ADGRV1: variants seen among roughly 807,000 people sequenced by gnomAD.
ADGRV1 encodes adhesion G protein-coupled receptor V1, also known as G-protein coupled receptor 98.
ADGRV1 carries 359 observed loss-of-function variants against 596.2 expected under a neutral mutation model. The observed-to-expected ratio is 0.60, with a 90% CI of 0.55 to 0.66. The LOEUF (loss-of-function observed/expected upper bound fraction) is 0.66, where lower values mean the gene tolerates loss of function less well. Among genes scored for constraint, ADGRV1 ranks in the 30% least tolerant of loss-of-function variants. The pLI is 0.00. For missense variants in ADGRV1, 7,274 were observed against 7,575.6 expected (o/e 0.96, Z 1.48); for synonymous variants, 2,681 against 2,679.2 (o/e 1.00, Z -0.02).
rs1581711496 is a variant in ADGRV1, at chr5:90,985,340, T to G, written c.17974-4T>G. The G allele has an allele frequency of 6.2e-7, 1 of 1,600,214 alleles. No individual in the cohort carries two copies. Among genetic ancestry groups the G allele is most frequent in the East Asian group, 2.2e-5 (1 of 44,728 alleles). ...TGTTCATTTTATGTTGTTTTCTTCC[T>G]TAGTCTGTGAATTTCTGGTACGTGC... On this transcript the variant is annotated splice_region_variant and splice_polypyrimidine_tract_variant and intron_variant, in intron 84 of 89. Transcript: ENST00000405460.
intron 21 of ADGRV1, among the ~76,000 whole-genome samples, chr5:90,664,515 T>C (rs1207465015): frequency 6.9e-6 from 1 of 144,936 alleles, no homozygotes; most frequent in Non-Finnish European, 1.5e-5. Context: ...GATTTTGGGC[T>C]GAGACAGTGG....
At chr5:90,985,092 G>A (rs933879725) in intron 84 of ADGRV1, among the ~76,000 whole-genome samples, 38 of 152,056 alleles carry the variant, frequency 2.5e-4, no homozygotes, top group African/African-American at 8.9e-4. Flanking sequence ...GCAAATTAAG[G>A]CAAATAAAAA....
At chr5:90,993,928 T>C (rs190816771) in intron 85 of ADGRV1, among the ~76,000 whole-genome samples, 108 of 152,262 alleles carry the variant, frequency 7.1e-4, no homozygotes, top group African/African-American at 2.4e-3. Context: ...TATTTTTTTT[T>C]CTGTTCCTCA....
At chr5:91,113,844 G>A (rs1030615222) in intron 87 of ADGRV1, among the ~76,000 whole-genome samples, 14 of 151,816 alleles carry the variant, frequency 9.2e-5, no homozygotes, top group South Asian at 2.1e-4. Context: ...GCTTGAACCC[G>A]GGAGGCAGAG....
chr5:90,650,847 T>G (rs1768499672), intron 17 of ADGRV1, among the ~76,000 whole-genome samples: 2 of 152,120 alleles, frequency 1.3e-5, no homozygotes, highest in South Asian at 4.1e-4. Flanking sequence ...AAGGAAGAAT[T>G]CCTGGAAGAG....
At position 90,653,245 on chromosome 5, in the gene ADGRV1, C is replaced by G; in HGVS notation, c.3671C>G (p.Thr1224Ser). ...SPGPGGQLAETNLQVTVMVPF... is the reference protein window; with the variant it reads ...SPGPGGQLAESNLQVTVMVPF... ...GGTCCTGGGGGCCAGCTAGCAGAAA[C>G]CAACCTCCAGGTGACAGTAATGGTT... is the stretch of plus-strand genomic sequence containing the variant. The change falls in exon 20 of 90, where the codon ACC becomes AGC. Residue 1224 changes from threonine to serine, a missense_variant. Transcript: ENST00000405460. 6.2e-7 allele frequency: 1 copy of G among 1,612,652 alleles called. No homozygotes were observed. The highest frequency in any genetic ancestry group is 8.5e-7 in the Non-Finnish European group (1 of 1,178,976).
chr5:91,021,820 A>G (rs1783654430), intron 85 of ADGRV1, among the ~76,000 whole-genome samples: 1 of 152,100 alleles, frequency 6.6e-6, no homozygotes, highest in African/African-American at 2.4e-5. Context: ...TAGTGCCTAG[A>G]TAGGAGGTAT....
intron 83 of ADGRV1, among the ~76,000 whole-genome samples, chr5:90,915,560 C>G (rs1773274733): frequency 6.6e-6 from 1 of 151,988 alleles, no homozygotes; most frequent in African/African-American, 2.4e-5. Flanking sequence ...CAAAAGGAGT[C>G]TGCAAAAATT....
intron 78 of ADGRV1, among the ~76,000 whole-genome samples, chr5:90,847,662 G>T (rs571009717): frequency 6.6e-6 from 1 of 152,190 alleles, no homozygotes; most frequent in Non-Finnish European, 1.5e-5. Flanking sequence ...GCCCTGCCCC[G>T]CAGGGAGGCA....
intron 77 of ADGRV1, among the ~76,000 whole-genome samples, chr5:90,830,202 G>A (rs2150326785): frequency 6.6e-6 from 1 of 152,218 alleles, no homozygotes; most frequent in African/African-American, 2.4e-5. Context: ...TTGCCAGGCA[G>A]TAAAACTTAT....
chr5:90,679,746 A>G (rs2149569090), intron 26 of ADGRV1, 117 bp downstream of exon 26: 1 of 605,270 alleles, frequency 1.7e-6, no homozygotes, highest in East Asian at 2.8e-5. Context: ...TACATATTTT[A>G]TCTTATTAAC....
At chr5:90,871,933 T>C (rs1383562348) in intron 83 of ADGRV1, among the ~76,000 whole-genome samples, 1 of 152,188 alleles carries the variant, frequency 6.6e-6, no homozygotes, top group Non-Finnish European at 1.5e-5. Context: ...TAGTGGATCA[T>C]GTTCAAATGC....
At chr5:91,084,699 T>TA (rs1212510943) in intron 86 of ADGRV1, among the ~76,000 whole-genome samples, 2 of 152,118 alleles carry the variant, frequency 1.3e-5, no homozygotes, top group Non-Finnish European at 2.9e-5. Flanking sequence ...AAACTAGAAA[T>TA]ACCATTTGAC....
chr5:91,147,430 T>C (rs1018908406), intron 87 of ADGRV1, among the ~76,000 whole-genome samples: 2 of 152,148 alleles, frequency 1.3e-5, no homozygotes, highest in Non-Finnish European at 2.9e-5. Context: ...TCCCCATGTG[T>C]CAAGGGCAGG....
At chr5:90,802,388 A>AT (rs1561764767) in intron 70 of ADGRV1, among the ~76,000 whole-genome samples, 2 of 151,786 alleles carry the variant, frequency 1.3e-5, no homozygotes, top group African/African-American at 4.8e-5. Flanking sequence ...GCTAATTTTT[A>AT]TTTTTATTTT....
In ADGRV1 at chr5:90,763,339, C is replaced by A. The variant is rs545715587; in HGVS notation, c.12155C>A (p.Pro4052His). 4.4e-6 allele frequency: 7 copies of A among 1,607,448 alleles called. No homozygotes were observed. The highest frequency in any genetic ancestry group is 6.0e-6 in the Non-Finnish European group (7 of 1,175,078). The change falls in exon 59 of 90, where the codon CCT becomes CAT. Residue 4052 changes from proline (P) to histidine (H), a missense_variant. Pro to His is a moderately conservative substitution (Grantham distance 77). Transcript: ENST00000405460. ...GATGAATCCCTTTCATCCGATGACC[C>A]TGATTCATATGTGACATTGACGGTT... ...MIDESLSSDD[P>H]DSYVTLTVVR...
chr5:90,725,776 G>A, intron 48 of ADGRV1, 120 bp downstream of exon 48: 1 of 616,470 alleles, frequency 1.6e-6, no homozygotes, highest in Non-Finnish European at 2.9e-6. Context: ...ATTTGATTGT[G>A]GTAAAGTAGA....
chr5:91,016,677 G>A (rs1216538752), intron 85 of ADGRV1, among the ~76,000 whole-genome samples: 1 of 151,906 alleles, frequency 6.6e-6, no homozygotes, highest in Non-Finnish European at 1.5e-5. Context: ...CCAGCTTGAG[G>A]ATATAGACTA....
intron 85 of ADGRV1, among the ~76,000 whole-genome samples, chr5:91,068,748 T>C (rs1788108869): frequency 6.6e-6 from 1 of 151,346 alleles, no homozygotes; most frequent in Admixed American, 6.6e-5. Flanking sequence ...CCTATCAAAC[T>C]ACCAACATCA....
Sources: gnomAD v4.1 joint callset for allele counts (sites outside exome capture counted in the v4.1 genomes callset) on GRCh38, gnomAD v4.1.1 for gene constraint, MANE v1.5 for transcripts, NCBI Gene and HGNC (gene_info 2026-07-23, HGNC 2026-07-21) for gene names.